ARHGAP10: variants seen among roughly 807,000 people sequenced by gnomAD.
The protein encoded by ARHGAP10 is Rho GTPase activating protein 10.
Under a neutral mutation model 108.6 loss-of-function variants are expected in ARHGAP10, and 87 were observed. That is an observed-to-expected ratio of 0.80 (90% confidence interval 0.67 to 0.96). The LOEUF (loss-of-function observed/expected upper bound fraction) is 0.96. Ranked by LOEUF, ARHGAP10 falls within the 40% of genes least tolerant of loss-of-function variation. ARHGAP10 has a pLI of 0.00. For missense variants in ARHGAP10, 939 were observed against 954.5 expected (o/e 0.98, Z 0.21); for synonymous variants, 347 against 341.1 (o/e 1.02, Z -0.19).
chr4:147,738,279 C>T (rs541437391), intron 1 of ARHGAP10, among the ~76,000 whole-genome samples: 3 of 152,232 alleles, frequency 2.0e-5, no homozygotes, highest in East Asian at 1.9e-4. Flanking sequence ...GGGCTGGGCG[C>T]GGTGGCTCAC....
chr4:147,742,570 G>C (rs1728726407), intron 1 of ARHGAP10, among the ~76,000 whole-genome samples: 1 of 136,128 alleles, frequency 7.3e-6, no homozygotes, highest in African/African-American at 2.7e-5. Flanking sequence ...TGCAACCTCT[G>C]CCTCCCGGGT....
chr4:147,840,944 C>T (rs1167401776), intron 3 of ARHGAP10, among the ~76,000 whole-genome samples: 1 of 152,186 alleles, frequency 6.6e-6, no homozygotes, highest in Non-Finnish European at 1.5e-5. Flanking sequence ...CAAGATGATC[C>T]TTTCAGGCAG....
rs1410680936 is a variant in ARHGAP10 at position 147,899,878 on chromosome 4, T to G, written c.1035-6760T>G. ...GGGCAGAACTTGTTACGTGCTGGGT[T>G]TTTTTTTTTTTTTCCTTTTCAACAT... On this transcript the variant is annotated intron_variant, in intron 10 of 22. Transcript: ENST00000336498. Among the ~76,000 whole-genome samples the G allele has an allele frequency of 4.5e-4, 6 of 13,252 alleles. No homozygotes were observed. In the Non-Finnish European group the frequency reaches 0.012, roughly 27 times the overall value. 8.7% of individuals were successfully genotyped at this position (13,252 alleles called of 152,430 possible). A position where few individuals can be genotyped will look rare whatever the true frequency, so the allele number is the denominator to read the frequency against.
intron 22 of ARHGAP10, among the ~76,000 whole-genome samples, chr4:148,071,371 T>G (rs1017410466): frequency 1.3e-5 from 2 of 152,172 alleles, no homozygotes; most frequent in Non-Finnish European, 2.9e-5. Flanking sequence ...ATCCCAGCAC[T>G]CTGGGGGGCC....
intron 19 of ARHGAP10, among the ~76,000 whole-genome samples, chr4:148,041,912 G>A (rs556467617): frequency 2.6e-5 from 4 of 152,152 alleles, no homozygotes; most frequent in East Asian, 1.9e-4. Context: ...ATCCCTCAAC[G>A]TTCTTTTACT....
chr4:147,964,388 G>C lies in ARHGAP10; in HGVS notation c.1451-636G>C, dbSNP rs561429263. Among the ~76,000 whole-genome samples the C allele has an allele frequency of 5.9e-5, 9 of 152,306 alleles. No homozygotes were observed. In the South Asian group the frequency reaches 1.7e-3, roughly 28 times the overall value. ...TGCCCGCATTCCCCGTTCTTCCTCT[G>C]CCTCTTGATCGACGCTGGTGCTTCC... On this transcript the variant is annotated intron_variant, in intron 16 of 22. Coordinates refer to ENST00000336498, the MANE Select transcript of ARHGAP10 (RefSeq NM_024605.4).
At chr4:147,921,654 G>C (rs1737237091) in intron 13 of ARHGAP10, among the ~76,000 whole-genome samples, 1 of 152,158 alleles carries the variant, frequency 6.6e-6, no homozygotes, top group African/African-American at 2.4e-5. Flanking sequence ...GTTTCATTGT[G>C]TCAGAAGCCA....
intron 20 of ARHGAP10, among the ~76,000 whole-genome samples, chr4:148,057,286 A>G (rs112036473): frequency 1.1e-4 from 16 of 152,274 alleles, no homozygotes; most frequent in African/African-American, 2.6e-4. Flanking sequence ...CAATCCTTCA[A>G]TGGCCCCTCT....
intron 13 of ARHGAP10, among the ~76,000 whole-genome samples, chr4:147,923,092 C>T (rs765880898): frequency 1.3e-5 from 2 of 152,156 alleles, no homozygotes; most frequent in Non-Finnish European, 2.9e-5. Context: ...TCAACAATTT[C>T]TAAAGTTATT....
At position 147,939,680 on chromosome 4, in the gene ARHGAP10, A is replaced by AAACACTTGATTTTTTC. The variant is rs1738095175; in HGVS notation, c.1229-142_1229-127dup. 3 of 726,708 alleles carry AAACACTTGATTTTTTC rather than the reference A, an allele frequency of 4.1e-6. No individual in the cohort carries two copies. In the South Asian group the frequency reaches 5.1e-5, roughly 12 times the overall value. 45.0% of individuals were successfully genotyped at this position (726,708 alleles called of 1,614,324 possible). A position where few individuals can be genotyped will look rare whatever the true frequency, so the allele number is the denominator to read the frequency against. On this transcript the variant is annotated intron_variant, in intron 13 of 22. Transcript: ENST00000336498. ...TAAAAAGCTAGTAAAACAAGTTGTT[A>AAACACTTGATTTTTTC]AACACTTGATTTTTTCAAAGGTTAT...
chr4:147,861,954 T>A (rs1247453727), intron 5 of ARHGAP10: 4 of 152,250 alleles, frequency 2.6e-5, no homozygotes, highest in Non-Finnish European at 5.9e-5. Context: ...GCTCCCAGGC[T>A]TCAGGCCATC....
intron 7 of ARHGAP10, among the ~76,000 whole-genome samples, chr4:147,872,896 C>A (rs886346259): frequency 2.0e-5 from 3 of 152,026 alleles, no homozygotes; most frequent in Non-Finnish European, 2.9e-5. Context: ...TAAGGCTCAG[C>A]TGTATGTACA....
chr4:148,051,699 A>G (rs938892338), intron 20 of ARHGAP10, among the ~76,000 whole-genome samples: 2 of 152,120 alleles, frequency 1.3e-5, no homozygotes, highest in Non-Finnish European at 1.5e-5. Context: ...CTGAATGTTG[A>G]TATCTCTAAA....
intron 14 of ARHGAP10, among the ~76,000 whole-genome samples, chr4:147,946,004 C>G (rs147833497): frequency 2.1e-3 from 318 of 152,290 alleles, no homozygotes; most frequent in African/African-American, 7.4e-3. Context: ...CCCTGTTCCC[C>G]CAGTGCGCGT....
intron 18 of ARHGAP10, among the ~76,000 whole-genome samples, chr4:147,969,944 CTG>C (rs1457384358): frequency 6.6e-6 from 1 of 152,156 alleles, no homozygotes; most frequent in Non-Finnish European, 1.5e-5. Context: ...AGATTCTTCA[CTG>C]TGTGCTTGGG....
chr4:148,026,966 G>A (rs1444864586), intron 19 of ARHGAP10, among the ~76,000 whole-genome samples: 1 of 152,146 alleles, frequency 6.6e-6, no homozygotes, highest in East Asian at 1.9e-4. Context: ...CCCACTCCAA[G>A]TGCATGTCCT....
intron 1 of ARHGAP10, among the ~76,000 whole-genome samples, chr4:147,815,335 T>C (rs1298244907): frequency 3.9e-5 from 6 of 152,190 alleles, no homozygotes; most frequent in Non-Finnish European, 8.8e-5. Context: ...CCTGATGTTA[T>C]AAGGTGTGGT....
intron 1 of ARHGAP10, among the ~76,000 whole-genome samples, chr4:147,774,069 G>A (rs149823640): frequency 1.1e-4 from 16 of 152,246 alleles, no homozygotes; most frequent in African/African-American, 3.9e-4. Flanking sequence ...GCTGTAAAAT[G>A]GGATAATAAT....
At chr4:147,934,593 T>C (rs1190938290) in intron 13 of ARHGAP10, among the ~76,000 whole-genome samples, 2 of 152,208 alleles carry the variant, frequency 1.3e-5, no homozygotes, top group African/African-American at 4.8e-5. Flanking sequence ...CCCAGCACTT[T>C]GGGATGCCCT....
Sources: gnomAD v4.1 joint callset for allele counts (sites outside exome capture counted in the v4.1 genomes callset) on GRCh38, gnomAD v4.1.1 for gene constraint, MANE v1.5 for transcripts, NCBI Gene and HGNC (gene_info 2026-07-23, HGNC 2026-07-21) for gene names.